CNOT1: variants seen among roughly 807,000 people sequenced by gnomAD.
The protein encoded by CNOT1 is CCR4-NOT transcription complex subunit 1.
In CNOT1, 15 loss-of-function variants were observed where a neutral mutation model predicts 273.8. The observed-to-expected ratio is 0.05, with a 90% CI of 0.04 to 0.08. The LOEUF (loss-of-function observed/expected upper bound fraction) is 0.08. Ranked by LOEUF, CNOT1 falls within the 10% of genes least tolerant of loss-of-function variation. The pLI, the probability that CNOT1 is intolerant of heterozygous loss-of-function variation, is 1.00. For synonymous variants in CNOT1, 1,022 were observed against 1,005.5 expected (o/e 1.02, Z -0.31); for missense variants, 1,644 against 2,912.2 (o/e 0.56, Z 10.02).
chr16:58,581,292 A>C, intron 11 of CNOT1, 53 bp downstream of exon 11: 1 of 1,541,118 alleles, frequency 6.5e-7, no homozygotes, highest in South Asian at 1.3e-5. Context: ...GCACTACATA[A>C]AGAATAAGTC....
chr16:58,609,347 AG>A (rs1179694209), intron 1 of CNOT1, among the ~76,000 whole-genome samples: 1 of 151,392 alleles, frequency 6.6e-6, no homozygotes, highest in African/African-American at 2.4e-5. Context: ...ACTCCAGCCT[AG>A]GTGACAGAGG....
intron 16 of CNOT1, among the ~76,000 whole-genome samples, chr16:58,568,556 C>T (rs1412124457): frequency 1.3e-5 from 2 of 149,930 alleles, no homozygotes; most frequent in African/African-American, 4.9e-5. Flanking sequence ...TGGTGGCATG[C>T]TCCTGTAATC....
intron 44 of CNOT1, among the ~76,000 whole-genome samples, chr16:58,526,927 A>T (rs1385771001): frequency 6.6e-6 from 1 of 151,774 alleles, no homozygotes. Flanking sequence ...GCTACTCTGG[A>T]GGCTGAGGCA....
intron 8 of CNOT1, among the ~76,000 whole-genome samples, chr16:58,583,432 T>C (rs1019060089): frequency 2.0e-5 from 3 of 152,186 alleles, no homozygotes; most frequent in Non-Finnish European, 2.9e-5. Context: ...ATGTTCTCAC[T>C]TGTTAGATGG....
chr16:58,586,770 A>G, intron 6 of CNOT1, 22 bp from the exon 7 acceptor site: 1 of 1,609,984 alleles, frequency 6.2e-7, no homozygotes, highest in Non-Finnish European at 8.5e-7. Context: ...GTAAACCAAA[A>G]ACCGCAAGTT....
intron 47 of CNOT1, among the ~76,000 whole-genome samples, chr16:58,522,046 A>T (rs1486528880): frequency 1.3e-5 from 2 of 151,842 alleles, no homozygotes; most frequent in African/African-American, 4.8e-5. Flanking sequence ...CAGGCTGGGC[A>T]CAGTGACTCA....
chr16:58,587,126 T>C (rs1423514178), intron 6 of CNOT1, 75 bp downstream of exon 6: 1 of 1,539,644 alleles, frequency 6.5e-7, no homozygotes, highest in Admixed American at 2.0e-5. Context: ...TAAGTCTAAA[T>C]CACAGAGCCT....
rs533934640 is a variant in CNOT1, at chr16:58,556,333, A to G, written c.2480-425T>C. Among the ~76,000 whole-genome samples the G allele has an allele frequency of 1.8e-4, 28 of 152,364 alleles. No individual in the cohort carries two copies. The South Asian group carries it at 2.3e-3, about 12-fold the overall frequency. On this transcript the variant is annotated intron_variant, in intron 19 of 48. Coordinates refer to ENST00000317147, the MANE Select transcript of CNOT1 (RefSeq NM_016284.5). ...CATAACATTCAGACAAGCCTTTCAC[A>G]CTAACGTTATCAAGTCAGCTGGAAT...
chr16:58,551,630 C>A lies in CNOT1; in HGVS notation c.3160G>T (p.Val1054Phe). 2 of 1,614,166 alleles carry A rather than the reference C, an allele frequency of 1.2e-6. No homozygotes were observed. The highest frequency in any genetic ancestry group is 1.7e-6 in the Non-Finnish European group (2 of 1,180,028). The change falls in exon 23 of 49, where the codon GTC becomes TTC. Residue 1054 changes from valine to phenylalanine, a missense_variant. Val to Phe is a conservative substitution (Grantham distance 50). Around this residue, in one of 13 missense-constraint regions of CNOT1, gnomAD observed 77 missense variants for 90.5 expected, o/e 0.85. Coordinates refer to ENST00000317147, the MANE Select transcript of CNOT1 (RefSeq NM_016284.5). ...TTTTVAKTVT[V>F]TRPTGVSFKK... ...AAGCTGACTCCAGTTGGCCTGGTGA[C>A]CGTAACCGTTTTAGCAACAGTGGTA...
At chr16:58,525,407 C>G in intron 45 of CNOT1, 48 bp from the exon 46 acceptor site, 5 of 1,509,232 alleles carry the variant, frequency 3.3e-6, no homozygotes, top group South Asian at 1.2e-5. Flanking sequence ...CTGCAGAGGA[C>G]CAATTCTAGC....
At position 58,586,555 on chromosome 16, in the gene CNOT1, C is replaced by G; in HGVS notation, c.627G>C (p.Thr209=). The G allele has an allele frequency of 6.2e-7, 1 of 1,610,446 alleles. No homozygotes were observed. Among genetic ancestry groups the G allele is most frequent in the Non-Finnish European group, 8.5e-7 (1 of 1,179,230 alleles). The change falls in exon 7 of 49, where the codon ACG becomes ACC. Residue 209 remains threonine (T), a synonymous_variant. Transcript: ENST00000317147. ...CAAAGACTCCCTTACCTCTGCGCAG[C>G]GTCTTAAGAAAAGCGTCTATCTGTT... is the stretch of plus-strand genomic sequence containing the variant. ...GQEQIDAFLK[T]LRRDFPQERC...
In CNOT1 at chr16:58,597,602, T is replaced by C. The variant is rs907053555; in HGVS notation, c.102+1634A>G. 7.9e-6 allele frequency: 3 copies of C among 381,992 alleles called. No individual in the cohort carries two copies. In the East Asian group the frequency reaches 2.1e-4, roughly 27 times the overall value. The allele number at this position is 381,992 out of a possible 1,614,324, so 23.7% of individuals were successfully genotyped here. A position where few individuals can be genotyped will look rare whatever the true frequency, so the allele number is the denominator to read the frequency against. ...TTTCAGCTATCTTCAGGTTTGTGTTTGGCACTTTGATCTGTAAGCAATCAA... is the reference window on the plus strand; with the variant it reads ...TTTCAGCTATCTTCAGGTTTGTGTTCGGCACTTTGATCTGTAAGCAATCAA... On this transcript the variant is annotated intron_variant, in intron 2 of 48. Transcript: ENST00000317147.
chr16:58,627,147 G>A (rs1284517825), intron 1 of CNOT1, among the ~76,000 whole-genome samples: 3 of 151,998 alleles, frequency 2.0e-5, no homozygotes, highest in Admixed American at 6.6e-5. Flanking sequence ...CGTGGCTCAC[G>A]TCTGTAATCC....
chr16:58,529,831 ACT>A (rs2039716323), intron 43 of CNOT1, among the ~76,000 whole-genome samples: 1 of 113,472 alleles, frequency 8.8e-6, no homozygotes, highest in Non-Finnish European at 1.7e-5. Context: ...TCAGAGTGAG[ACT>A]CTGTCTCAAA....
At position 58,541,636 on chromosome 16, in the gene CNOT1, C is replaced by T; in HGVS notation, c.4681-16G>A. 6.2e-7 allele frequency: 1 copy of T among 1,607,720 alleles called. No individual in the cohort carries two copies. The highest frequency in any genetic ancestry group is 8.5e-7 in the Non-Finnish European group (1 of 1,177,514). On this transcript the variant is annotated splice_polypyrimidine_tract_variant and intron_variant, in intron 33 of 48. Coordinates refer to ENST00000317147, the MANE Select transcript of CNOT1 (RefSeq NM_016284.5). ...CACCACCAACCTTGAAAGAAGAAAA[C>T]CTATTTTGACAGAATTCACTCAATA...
chr16:58,523,533 T>TA, intron 46 of CNOT1, 31 bp from the exon 47 acceptor site: 2 of 1,610,096 alleles, frequency 1.2e-6, no homozygotes, highest in East Asian at 2.2e-5. Context: ...ACTTAGGACT[T>TA]AGTCTGAAAG....
At chr16:58,618,107 G>A (rs370068379) in intron 1 of CNOT1, among the ~76,000 whole-genome samples, 4 of 152,220 alleles carry the variant, frequency 2.6e-5, no homozygotes, top group East Asian at 3.9e-4. Context: ...ACATAAAGTG[G>A]CTAACACAAG....
chr16:58,564,965 A>G (rs1401319079), intron 16 of CNOT1, among the ~76,000 whole-genome samples: 3 of 152,050 alleles, frequency 2.0e-5, no homozygotes, highest in Non-Finnish European at 2.9e-5. Context: ...TAAATAAATA[A>G]AAGAAGTGGC....
Position 58,551,796 on chromosome 16 carries a change from A to G in CNOT1, c.2994T>C (p.Ser998=). 6.2e-7 allele frequency: 1 copy of G among 1,614,202 alleles called. No individual in the cohort carries two copies. The highest frequency in any genetic ancestry group is 8.5e-7 in the Non-Finnish European group (1 of 1,180,036). ...LQEYIEYGQQ[S]RDPPVKMQGS... ...CTTGCATTTTCACAGGAGGATCTCT[A>G]GACTGCTGTCCATACTCAATATACT... is the stretch of plus-strand genomic sequence containing the variant. Residue 998 remains serine (S), a synonymous_variant, in exon 23 of 49, where the codon TCT becomes TCC. Coordinates refer to ENST00000317147, the MANE Select transcript of CNOT1 (RefSeq NM_016284.5).
Sources: allele counts gnomAD v4.1 joint callset (sites outside exome capture counted in the v4.1 genomes callset), GRCh38; gene constraint gnomAD v4.1.1; regional missense constraint gnomAD v4.1.1; transcripts MANE v1.5; gene names NCBI Gene and HGNC (gene_info 2026-07-23, HGNC 2026-07-21).